PODXL2: variants seen among roughly 807,000 people sequenced by gnomAD.
The protein encoded by PODXL2 is podocalyxin like 2.
In PODXL2, 17 loss-of-function variants were observed where a neutral mutation model predicts 53.4. The ratio of observed to expected loss-of-function variants is 0.32; its 90% CI spans 0.22 to 0.48. PODXL2 has a LOEUF of 0.48. Among genes scored for constraint, PODXL2 ranks in the 20% least tolerant of loss-of-function variants. The pLI, the probability that PODXL2 is intolerant of heterozygous loss-of-function variation, is 0.99. For missense variants in PODXL2, 673 were observed against 760.0 expected (o/e 0.89, Z 1.35); for synonymous variants, 311 against 306.7 (o/e 1.01, Z -0.15).
intron 1 of PODXL2, 41 bp from the exon 2 acceptor site, chr3:127,639,204 C>A: frequency 6.5e-7 from 1 of 1,537,432 alleles, no homozygotes; most frequent in South Asian, 1.3e-5. Flanking sequence ...CTTGTGTCTT[C>A]TCTAGCCTCC....
Position 127,661,088 on chromosome 3 carries a change from G to C in PODXL2, c.1060G>C (p.Asp354His). The change falls in exon 3 of 8, where the codon GAT (aspartate) becomes CAT (histidine). Residue 354 changes from aspartate (D) to histidine (H), a missense_variant. By Grantham distance (81) the Asp-to-His change is moderately conservative. This residue lies in a region of PODXL2 where 588 missense variants were observed against 668.3 expected (regional missense o/e 0.88). Coordinates refer to ENST00000342480, the MANE Select transcript of PODXL2 (RefSeq NM_015720.4). ...TTCCTCTGCTACCTTGGGACAAGAAGATCTCAACCAGCAGCTCCTAGAAGG... is the reference window on the plus strand; with the variant it reads ...TTCCTCTGCTACCTTGGGACAAGAACATCTCAACCAGCAGCTCCTAGAAGG... ...TPSSATLGQE[D>H]LNQQLLEGQA... is the part of the protein sequence containing the mutation. 6.2e-7 allele frequency: 1 copy of C among 1,614,250 alleles called. No homozygotes were observed. Among genetic ancestry groups the C allele is most frequent in the African/African-American group, 1.3e-5 (1 of 75,070 alleles).
At chr3:127,655,336 G>A (rs565309782) in intron 2 of PODXL2, among the ~76,000 whole-genome samples, 1 of 151,170 alleles carries the variant, frequency 6.6e-6, no homozygotes, top group East Asian at 2.0e-4. Flanking sequence ...AACCTGGAAG[G>A]TGGAGGTTGG....
intron 2 of PODXL2, among the ~76,000 whole-genome samples, chr3:127,641,502 C>T (rs2074620151): frequency 6.6e-6 from 1 of 151,960 alleles, no homozygotes. Context: ...AACCACTGTG[C>T]CTGGCTTATA....
intron 4 of PODXL2, among the ~76,000 whole-genome samples, chr3:127,667,013 T>G (rs1204132824): frequency 6.6e-6 from 1 of 152,232 alleles, no homozygotes; most frequent in Non-Finnish European, 1.5e-5. Context: ...GGGGCGGGCA[T>G]GCACTCCTTC....
Position 127,639,234 on chromosome 3 carries a change from T to C in PODXL2, c.71-11T>C, listed in dbSNP as rs545569449. 9.5e-6 allele frequency: 15 copies of C among 1,578,986 alleles called. No individual in the cohort carries two copies. In the African/African-American group the frequency reaches 1.8e-4, roughly 19 times the overall value. On this transcript the variant is annotated splice_polypyrimidine_tract_variant and intron_variant, in intron 1 of 7. Coordinates refer to ENST00000342480, the MANE Select transcript of PODXL2 (RefSeq NM_015720.4). ...GCCTCCCCTGACTGTCTGGCTTTTATGTCTGCACAGGAGCGTTCCTGGGTG... is the reference window on the plus strand; with the variant it reads ...GCCTCCCCTGACTGTCTGGCTTTTACGTCTGCACAGGAGCGTTCCTGGGTG...
At chr3:127,643,156 G>A (rs565335545) in intron 2 of PODXL2, among the ~76,000 whole-genome samples, 1 of 152,146 alleles carries the variant, frequency 6.6e-6, no homozygotes, top group East Asian at 1.9e-4. Flanking sequence ...TCAACTGCTT[G>A]TATTTTTATT....
intron 3 of PODXL2, 119 bp from the exon 4 acceptor site, chr3:127,662,118 A>G: frequency 1.3e-6 from 1 of 765,916 alleles, no homozygotes; most frequent in Non-Finnish European, 2.3e-6. Context: ...CCTCGCTGTA[A>G]TACGCCTCCA....
chr3:127,659,124 G>A (rs1426996591), intron 2 of PODXL2, among the ~76,000 whole-genome samples: 2 of 151,868 alleles, frequency 1.3e-5, no homozygotes, highest in Non-Finnish European at 2.9e-5. Flanking sequence ...TTATTTTAGG[G>A]ATGCAATATT....
At position 127,672,678 on chromosome 3, in the gene PODXL2, A is replaced by G. The variant is rs1414524152; in HGVS notation, c.*198A>G. On this transcript the variant is annotated 3_prime_UTR_variant, in exon 8 of 8. Transcript: ENST00000342480. Reference sequence around the variant, plus strand: ...ACTCCCTCACTCCCGCCCGAGGGGCAGGCCTCAAAGCCCGCCTTGGCCCCG... The same window carrying G: ...ACTCCCTCACTCCCGCCCGAGGGGCGGGCCTCAAAGCCCGCCTTGGCCCCG... 123 of 465,790 alleles carry G rather than the reference A, an allele frequency of 2.6e-4. 1 individual carries two copies. In the East Asian group the frequency reaches 4.4e-3, roughly 16 times the overall value. 28.9% of individuals were successfully genotyped at this position (465,790 alleles called of 1,614,324 possible).
intron 2 of PODXL2, among the ~76,000 whole-genome samples, chr3:127,658,851 A>G (rs1383449560): frequency 6.6e-6 from 1 of 151,902 alleles, no homozygotes; most frequent in African/African-American, 2.4e-5. Flanking sequence ...GTTTCTCTCC[A>G]TTATTCTCCA....
chr3:127,668,847 G>A (rs1364552621), intron 5 of PODXL2, among the ~76,000 whole-genome samples: 1 of 152,214 alleles, frequency 6.6e-6, no homozygotes, highest in Non-Finnish European at 1.5e-5. Flanking sequence ...ACAGGTGGGA[G>A]ATGAATGGAC....
Position 127,639,381 on chromosome 3 carries a change from C to A in PODXL2, c.207C>A (p.Gly69=). ...CAGAGGAGCCTAGTGAGACCATGGG[C>A]CTGGGAGCTGGGCTGGGAGCCCCTG... is the stretch of plus-strand genomic sequence containing the variant. ...LDSEEPSETM[G]LGAGLGAPGS... is the part of the protein sequence containing the mutation. The change falls in exon 2 of 8, where the codon GGC becomes GGA. Residue 69 remains glycine, a synonymous_variant. Coordinates refer to ENST00000342480, the MANE Select transcript of PODXL2 (RefSeq NM_015720.4). 1.9e-6 allele frequency: 3 copies of A among 1,614,204 alleles called. No individual in the cohort carries two copies. The highest frequency in any genetic ancestry group is 1.1e-5 in the South Asian group (1 of 91,084).
At chr3:127,632,763 C>T (rs527592395) in intron 1 of PODXL2, among the ~76,000 whole-genome samples, 1 of 152,302 alleles carries the variant, frequency 6.6e-6, no homozygotes, top group Non-Finnish European at 1.5e-5. Flanking sequence ...GAGGGCAAAG[C>T]CTGTCTCTTG....
chr3:127,671,360 C>T (rs1400940513), intron 6 of PODXL2, 74 bp from the exon 7 acceptor site: 2 of 1,413,588 alleles, frequency 1.4e-6, no homozygotes, highest in East Asian at 4.6e-5. Context: ...CCACCCGAGC[C>T]CAATGCAACC....
chr3:127,629,196 G>C lies in PODXL2; in HGVS notation c.-24G>C. ...CGGGCCCGGGCGCCGCGCCGCTGCG[G>C]CTGCAGGCGGCGACGGCTACACCAT... On this transcript the variant is annotated 5_prime_UTR_variant, in exon 1 of 8. Coordinates refer to ENST00000342480, the MANE Select transcript of PODXL2 (RefSeq NM_015720.4). The surrounding 1 kb of genome is among the most constrained non-coding windows in gnomAD (Gnocchi z 6.4). 1 of 983,008 alleles carries C rather than the reference G, an allele frequency of 1.0e-6. No homozygotes were observed. 60.9% of individuals were successfully genotyped at this position (983,008 alleles called of 1,614,324 possible).
At chr3:127,631,862 CTG>C (rs2074548832) in intron 1 of PODXL2, among the ~76,000 whole-genome samples, 1 of 152,096 alleles carries the variant, frequency 6.6e-6, no homozygotes, top group Admixed American at 6.5e-5. Context: ...GAAAATGAAA[CTG>C]TTTACTGGAA....
At chr3:127,631,549 A>G (rs1426328713) in intron 1 of PODXL2, among the ~76,000 whole-genome samples, 3 of 152,058 alleles carry the variant, frequency 2.0e-5, no homozygotes, top group Admixed American at 1.3e-4. Flanking sequence ...GTTGGGTGTG[A>G]TGATGTAACA....
chr3:127,666,036 C>G, intron 4 of PODXL2: 2 of 416,882 alleles, frequency 4.8e-6, no homozygotes, highest in East Asian at 7.3e-5. Context: ...CTGTCTCTCT[C>G]TAGGGCATAG....
intron 5 of PODXL2, 57 bp downstream of exon 5, chr3:127,668,654 C>G (rs887997231): frequency 6.8e-5 from 97 of 1,419,180 alleles, no homozygotes; most frequent in Non-Finnish European, 8.5e-5. Context: ...CGGGCGGCCC[C>G]TGAGGGTCAC....
Sources: allele counts gnomAD v4.1 joint callset (sites outside exome capture counted in the v4.1 genomes callset), GRCh38; gene constraint gnomAD v4.1.1; regional missense constraint gnomAD v4.1.1; non-coding constraint Gnocchi (gnomAD v3.1); transcripts MANE v1.5; gene names NCBI Gene and HGNC (gene_info 2026-07-23, HGNC 2026-07-21).